Variants in LPP observed in about 807,000 individuals in gnomAD.
LPP encodes the protein lipoma-preferred partner.
Under a neutral mutation model 60.4 loss-of-function variants are expected in LPP, and 38 were observed. The ratio of observed to expected loss-of-function variants is 0.63; its 90% confidence interval spans 0.49 to 0.83. The LOEUF (loss-of-function observed/expected upper bound fraction) is 0.83. LPP is among the 40% of genes least tolerant of loss of function. The pLI is 0.00. For synonymous variants in LPP, 328 were observed against 290.8 expected, an observed-to-expected ratio of 1.13 and a Z score of -1.30; for missense variants, 902 against 783.6, an observed-to-expected ratio of 1.15 and a Z score of -1.80.
chr3:188,545,649 G>C (rs1206682699), intron 6 of LPP, among the ~76,000 whole-genome samples: 9 of 152,100 alleles, frequency 5.9e-5, no homozygotes, highest in Non-Finnish European at 1.3e-4. Flanking sequence ...GACTAGAGTT[G>C]TGTGTCAGGA....
intron 10 of LPP, among the ~76,000 whole-genome samples, chr3:188,871,591 T>C (rs1002286629): frequency 6.6e-6 from 1 of 152,214 alleles, no homozygotes; most frequent in Non-Finnish European, 1.5e-5. Flanking sequence ...TTTTTAAGTC[T>C]CACTACAAAT....
At position 188,828,200 on chromosome 3, in the gene LPP, A is replaced by C. The variant is rs528942546; in HGVS notation, c.1411-38000A>C. Among the ~76,000 whole-genome samples, 3 of 152,236 alleles carry C rather than the reference A, an allele frequency of 2.0e-5. No individual in the cohort carries two copies. In the South Asian group the frequency reaches 6.2e-4, roughly 32 times the overall value. On this transcript the variant is annotated intron_variant, in intron 9 of 11. Coordinates refer to ENST00000617246, the MANE Select transcript of LPP (RefSeq NM_001375462.1). ...ACAAAATAATTGGCAAATTATATAG[A>C]ATATTGGAAGGAAGTACATGCTGGG...
At chr3:188,159,629 AT>A (rs1162082205) in intron 1 of LPP, among the ~76,000 whole-genome samples, 1 of 152,184 alleles carries the variant, frequency 6.6e-6, no homozygotes, top group Non-Finnish European at 1.5e-5. Context: ...AGGGAGTAAA[AT>A]AGTTCACTGC....
At chr3:188,586,096 A>G (rs1463223637) in intron 6 of LPP, among the ~76,000 whole-genome samples, 2 of 152,226 alleles carry the variant, frequency 1.3e-5, no homozygotes, top group South Asian at 2.1e-4. Context: ...GTTTGTTTCC[A>G]TTTTTATAGC....
chr3:188,854,889 T>G (rs1472382116), intron 9 of LPP, among the ~76,000 whole-genome samples: 2 of 152,144 alleles, frequency 1.3e-5, no homozygotes, highest in Non-Finnish European at 2.9e-5. Flanking sequence ...GGAACCAACA[T>G]GTGAGTGGAA....
At chr3:188,600,745 CT>C (rs2151209625) in intron 6 of LPP, among the ~76,000 whole-genome samples, 1 of 152,190 alleles carries the variant, frequency 6.6e-6, no homozygotes, top group South Asian at 2.1e-4. Flanking sequence ...CACCATTCTG[CT>C]TTCTAGCTTT....
intron 3 of LPP, among the ~76,000 whole-genome samples, chr3:188,402,510 C>T (rs1484581630): frequency 2.0e-5 from 3 of 152,084 alleles, no homozygotes; most frequent in Non-Finnish European, 1.5e-5. Context: ...GGATTTTATT[C>T]CACAAATGCC....
At chr3:188,556,060 GTA>G (rs1829393698) in intron 6 of LPP, among the ~76,000 whole-genome samples, 1 of 152,102 alleles carries the variant, frequency 6.6e-6, no homozygotes, top group South Asian at 2.1e-4. Flanking sequence ...TGTGATCAAG[GTA>G]TCCACACCAT....
intron 2 of LPP, among the ~76,000 whole-genome samples, chr3:188,233,680 CT>C (rs1337928801): frequency 6.6e-6 from 1 of 152,066 alleles, no homozygotes; most frequent in Non-Finnish European, 1.5e-5. Flanking sequence ...TATAGCAAGG[CT>C]TTTTCCCCCC....
At chr3:188,701,934 GT>G (rs1864497423) in intron 7 of LPP, among the ~76,000 whole-genome samples, 1 of 124,906 alleles carries the variant, frequency 8.0e-6, no homozygotes, top group Non-Finnish European at 1.7e-5. Flanking sequence ...TCCTAGTTCT[GT>G]TTTTTTCCCT....
intron 4 of LPP, among the ~76,000 whole-genome samples, chr3:188,468,080 GTCCATT>G (rs1360992886): frequency 1.3e-5 from 2 of 152,006 alleles, no homozygotes. Context: ...AATCATTTTA[GTCCATT>G]TCCATATGAA....
intron 1 of LPP, among the ~76,000 whole-genome samples, chr3:188,186,533 T>C (rs1421850007): frequency 6.6e-6 from 1 of 152,150 alleles, no homozygotes; most frequent in Non-Finnish European, 1.5e-5. Flanking sequence ...TTTTGTGACC[T>C]CTTGGTCCTG....
chr3:188,357,479 C>T (rs1767953325), intron 3 of LPP, among the ~76,000 whole-genome samples: 1 of 152,184 alleles, frequency 6.6e-6, no homozygotes, highest in South Asian at 2.1e-4. Context: ...CTTGAGCACC[C>T]AGAAACAGCA....
At chr3:188,548,433 C>A (rs577814709) in intron 6 of LPP, among the ~76,000 whole-genome samples, 2 of 152,048 alleles carry the variant, frequency 1.3e-5, no homozygotes, top group Non-Finnish European at 2.9e-5. Flanking sequence ...TGACCTCTTG[C>A]GGTCGATGTT....
intron 4 of LPP, among the ~76,000 whole-genome samples, chr3:188,464,360 C>A (rs546642547): frequency 3.9e-4 from 60 of 152,260 alleles, no homozygotes; most frequent in African/African-American, 1.4e-3. Flanking sequence ...TTAAATAAAA[C>A]ATTTGTAAAA....
chr3:188,423,035 G>T (rs1788276722), intron 4 of LPP, among the ~76,000 whole-genome samples: 1 of 151,360 alleles, frequency 6.6e-6, no homozygotes, highest in Non-Finnish European at 1.5e-5. Flanking sequence ...ATGCCATGGT[G>T]GTTTGCTGCA....
intron 6 of LPP, among the ~76,000 whole-genome samples, chr3:188,586,637 A>G (rs1418923614): frequency 6.6e-6 from 1 of 152,232 alleles, no homozygotes; most frequent in African/African-American, 2.4e-5. Context: ...ATGAGAAATG[A>G]AACTGCAGAA....
At chr3:188,183,742 G>A (rs1348118429) in intron 1 of LPP, among the ~76,000 whole-genome samples, 1 of 151,960 alleles carries the variant, frequency 6.6e-6, no homozygotes, top group African/African-American at 2.4e-5. Context: ...GGGAGGGGGT[G>A]GGAGTGGGAG....
chr3:188,542,263 T>C (rs532081915), intron 6 of LPP, among the ~76,000 whole-genome samples: 3 of 152,296 alleles, frequency 2.0e-5, no homozygotes, highest in Non-Finnish European at 2.9e-5. Context: ...AAATGACACA[T>C]TGTACATTAA....
Sources: gnomAD v4.1 joint callset for allele counts (sites outside exome capture counted in the v4.1 genomes callset) on GRCh38, gnomAD v4.1.1 for gene constraint, MANE v1.5 for transcripts, NCBI Gene and HGNC (gene_info 2026-07-23, HGNC 2026-07-21) for gene names.